The following PARP11 variants were observed in gnomAD, a reference collection of about 807,000 sequenced individuals.
PARP11 encodes the protein protein mono-ADP-ribosyltransferase PARP11.
PARP11 carries 31 observed loss-of-function variants against 42.9 expected under a neutral mutation model. The observed-to-expected ratio is 0.72, with a 90% CI of 0.54 to 0.98. The LOEUF is 0.98. Ranked by LOEUF, PARP11 falls within the 50% of genes least tolerant of loss-of-function variation. PARP11 has a pLI of 0.00. For missense variants in PARP11, 365 were observed against 413.1 expected (o/e 0.88, Z 1.01); for synonymous variants, 137 against 127.3 (o/e 1.08, Z -0.51).
chr12:3,854,996 G>A (rs200297732), intron 1 of PARP11, among the ~76,000 whole-genome samples: 2 of 152,082 alleles, frequency 1.3e-5, no homozygotes, highest in African/African-American at 2.4e-5. Context: ...ATCAATAAAC[G>A]TAATCCATCA....
At chr12:3,869,815 AC>A (rs1398445483) in intron 1 of PARP11, among the ~76,000 whole-genome samples, 1 of 152,192 alleles carries the variant, frequency 6.6e-6, no homozygotes, top group African/African-American at 2.4e-5. Context: ...CAGACTGCAA[AC>A]CCATAAAGGC....
At chr12:3,850,149 G>A (rs1459961504) in intron 1 of PARP11, among the ~76,000 whole-genome samples, 1 of 151,924 alleles carries the variant, frequency 6.6e-6, no homozygotes, top group Non-Finnish European at 1.5e-5. Flanking sequence ...AAATAAGATG[G>A]TATATGTAAT....
At chr12:3,864,829 G>A (rs865858207) in intron 1 of PARP11, among the ~76,000 whole-genome samples, 1 of 151,986 alleles carries the variant, frequency 6.6e-6, no homozygotes, top group Middle Eastern at 3.2e-3. Context: ...TTTATTAATA[G>A]TCTTGATGTT....
At chr12:3,855,787 T>C (rs982887389) in intron 1 of PARP11, among the ~76,000 whole-genome samples, 1 of 152,166 alleles carries the variant, frequency 6.6e-6, no homozygotes, top group Non-Finnish European at 1.5e-5. Flanking sequence ...TTAAAGTTCA[T>C]ATGGAACCAA....
intron 7 of PARP11, 40 bp downstream of exon 7, chr12:3,813,997 C>A: frequency 6.7e-7 from 1 of 1,483,238 alleles, no homozygotes; most frequent in Non-Finnish European, 9.1e-7. Context: ...AGGAAACTCT[C>A]TCCTGGGGCT....
intron 1 of PARP11, among the ~76,000 whole-genome samples, chr12:3,844,689 T>C (rs1171535897): frequency 1.3e-5 from 2 of 152,234 alleles, no homozygotes; most frequent in African/African-American, 4.8e-5. Flanking sequence ...ATTTGCTTTC[T>C]GTTTCCCATA....
Position 3,834,355 on chromosome 12 carries a change from G to A in PARP11, c.19-4337C>T, listed in dbSNP as rs539028245. ...AGGGCATTATCAAAAACAGTGGGCC[G>A]GGTGTGGTGGTTCATGCCTGTGATC... On this transcript the variant is annotated intron_variant, in intron 1 of 7. Coordinates refer to ENST00000228820, the MANE Select transcript of PARP11 (RefSeq NM_020367.6). 9.5e-4 allele frequency among the ~76,000 whole-genome samples: 144 copies of A among 152,248 alleles called. 1 individual carries two copies. The South Asian group carries it at 0.02, about 21-fold the overall frequency.
At chr12:3,863,386 GA>G (rs1377731580) in intron 1 of PARP11, among the ~76,000 whole-genome samples, 4 of 152,090 alleles carry the variant, frequency 2.6e-5, no homozygotes, top group African/African-American at 9.7e-5. Flanking sequence ...ACCTCTAGTA[GA>G]ATACTGAATA....
intron 6 of PARP11, among the ~76,000 whole-genome samples, chr12:3,814,497 T>C (rs184492164): frequency 1.4e-4 from 22 of 152,318 alleles, no homozygotes; most frequent in Non-Finnish European, 2.9e-5. Context: ...CTAACCTTTA[T>C]AGATGCCTAA....
intron 1 of PARP11, among the ~76,000 whole-genome samples, chr12:3,856,955 A>G (rs1948202670): frequency 6.6e-6 from 1 of 152,246 alleles, no homozygotes; most frequent in Non-Finnish European, 1.5e-5. Context: ...GCCATAAAAA[A>G]GGATGAGTTC....
intron 1 of PARP11, among the ~76,000 whole-genome samples, chr12:3,871,133 G>A (rs967089734): frequency 2.0e-5 from 3 of 152,156 alleles, no homozygotes; most frequent in African/African-American, 7.2e-5. Flanking sequence ...ATAGGGAAAT[G>A]TACTGATAAA....
At chr12:3,839,622 T>C (rs1400808651) in intron 1 of PARP11, 29 of 1,052,806 alleles carry the variant, frequency 2.8e-5, no homozygotes, top group Admixed American at 2.5e-4. Flanking sequence ...TGGAAATAAG[T>C]GCCCTTTCTC....
intron 3 of PARP11, among the ~76,000 whole-genome samples, chr12:3,827,607 TA>T (rs112786211): frequency 1.4e-4 from 20 of 147,882 alleles, no homozygotes; most frequent in South Asian, 2.1e-4. Flanking sequence ...CTAATGGCAT[TA>T]AAAAAAAAAT....
At chr12:3,812,959 C>T (rs1191709852) in intron 7 of PARP11, among the ~76,000 whole-genome samples, 1 of 152,136 alleles carries the variant, frequency 6.6e-6, no homozygotes, top group Non-Finnish European at 1.5e-5. Flanking sequence ...CGTGCCACCA[C>T]ACCCAACTAA....
At chr12:3,813,977 C>T in intron 7 of PARP11, 60 bp downstream of exon 7, 2 of 1,290,288 alleles carry the variant, frequency 1.6e-6, no homozygotes, top group Non-Finnish European at 1.1e-6. Context: ...ATTTATATTC[C>T]TCTAAAAAGA....
At chr12:3,858,170 T>G (rs1198093990) in intron 1 of PARP11, among the ~76,000 whole-genome samples, 1 of 152,164 alleles carries the variant, frequency 6.6e-6, no homozygotes, top group Non-Finnish European at 1.5e-5. Context: ...ATGCAAAAAA[T>G]GTACCTCCAG....
chr12:3,845,821 T>C (rs1314090940), intron 1 of PARP11, among the ~76,000 whole-genome samples: 2 of 152,198 alleles, frequency 1.3e-5, no homozygotes, highest in Non-Finnish European at 2.9e-5. Context: ...TTAAAAGAGG[T>C]CTTTCTCCCC....
At chr12:3,865,621 A>G (rs961042597) in intron 1 of PARP11, among the ~76,000 whole-genome samples, 1 of 152,120 alleles carries the variant, frequency 6.6e-6, no homozygotes, top group Non-Finnish European at 1.5e-5. Flanking sequence ...ATCCTTGATA[A>G]TATCATTATC....
chr12:3,826,687 C>T (rs914646631), intron 3 of PARP11, among the ~76,000 whole-genome samples: 2 of 152,206 alleles, frequency 1.3e-5, no homozygotes, highest in Non-Finnish European at 2.9e-5. Context: ...GTACAACTCA[C>T]AGAATTTCAA....
Sources: gnomAD v4.1 joint callset for allele counts (sites outside exome capture counted in the v4.1 genomes callset) on GRCh38, gnomAD v4.1.1 for gene constraint, MANE v1.5 for transcripts, NCBI Gene and HGNC (gene_info 2026-07-23, HGNC 2026-07-21) for gene names.